NIBAN1: variants seen among roughly 807,000 people sequenced by gnomAD.
NIBAN1 encodes the protein niban apoptosis regulator 1.
A neutral mutation model predicts 75.1 loss-of-function variants in NIBAN1; 81 were observed. The observed-to-expected ratio is 1.08, with a 90% CI of 0.90 to 1.30. NIBAN1 has a LOEUF of 1.30. Among genes scored for constraint, NIBAN1 ranks in the 50% most tolerant of loss-of-function variants. The pLI is 0.00. For synonymous variants in NIBAN1, 436 were observed against 424.8 expected, an observed-to-expected ratio of 1.03 and a Z score of -0.32; for missense variants, 1,133 against 1,128.1, an observed-to-expected ratio of 1.00 and a Z score of -0.06.
intron 1 of NIBAN1, among the ~76,000 whole-genome samples, chr1:184,917,456 G>A (rs994174782): frequency 2.9e-5 from 4 of 139,838 alleles, no homozygotes; most frequent in South Asian, 4.6e-4. Flanking sequence ...TGATCCGCCC[G>A]CCTCGGCCTC....
intron 5 of NIBAN1, among the ~76,000 whole-genome samples, chr1:184,876,738 A>T (rs1464116612): frequency 6.6e-6 from 1 of 152,170 alleles, no homozygotes; most frequent in East Asian, 1.9e-4. Context: ...CATTTTTAAA[A>T]TTTAACTTAG....
At chr1:184,870,974 A>T (rs1010383223) in intron 5 of NIBAN1, among the ~76,000 whole-genome samples, 2 of 152,196 alleles carry the variant, frequency 1.3e-5, no homozygotes, top group South Asian at 2.1e-4. Flanking sequence ...CGGTCATTGC[A>T]TATGTAATTA....
chr1:184,930,627 C>A (rs7524825), intron 1 of NIBAN1, among the ~76,000 whole-genome samples: 61,254 of 152,040 alleles, frequency 0.4, 14,158 homozygotes, highest in South Asian at 0.54. Flanking sequence ...GAAAATCATA[C>A]GACACCCATT....
In NIBAN1 at chr1:184,795,260, T is replaced by C. The variant is rs775794988; in HGVS notation, c.2504A>G (p.Glu835Gly). 6.2e-7 allele frequency: 1 copy of C among 1,613,366 alleles called. No individual in the cohort carries two copies. Among genetic ancestry groups the C allele is most frequent in the Admixed American group, 1.7e-5 (1 of 60,026 alleles). The change falls in exon 14 of 14, where the codon GAA becomes GGA. Residue 835 changes from glutamate (E) to glycine (G), a missense_variant. Physicochemically the swap from Glu to Gly is moderately conservative, Grantham distance 98. Coordinates refer to ENST00000367511, the MANE Select transcript of NIBAN1 (RefSeq NM_052966.4). ...GCCCTCTTGCTGTGAGGCATCCCCT[T>C]CCTCGGTACACTTGCCCCCTCTTCC... ...HEGRGGKCTE[E>G]GDASQQEGCT... is the part of the protein sequence containing the mutation.
chr1:184,952,440 C>A (rs1161339764), intron 1 of NIBAN1, among the ~76,000 whole-genome samples: 1 of 152,162 alleles, frequency 6.6e-6, no homozygotes, highest in Non-Finnish European at 1.5e-5. Context: ...TGTTCCATGA[C>A]GTTTGAGGTT....
chr1:184,805,800 A>C, intron 11 of NIBAN1, 146 bp downstream of exon 11: 1 of 644,922 alleles, frequency 1.6e-6, no homozygotes, highest in Non-Finnish European at 2.7e-6. Flanking sequence ...GAGAAACTGC[A>C]GCGGACTGAC....
Position 184,884,818 on chromosome 1 carries a change from A to G in NIBAN1, c.434-18T>C. The G allele has an allele frequency of 6.2e-7, 1 of 1,611,340 alleles. No homozygotes were observed. Among genetic ancestry groups the G allele is most frequent in the Middle Eastern group, 1.7e-4 (1 of 6,040 alleles). On this transcript the variant is annotated intron_variant, in intron 4 of 13. Transcript: ENST00000367511. ...ACTGGAGGCTAAAGAAATATTGAAA[A>G]CACAAATACCTTTTAAAACATGTAT...
intron 1 of NIBAN1, among the ~76,000 whole-genome samples, chr1:184,957,427 A>G (rs1658518734): frequency 6.6e-6 from 1 of 152,258 alleles, no homozygotes; most frequent in South Asian, 2.1e-4. Flanking sequence ...ACTAATTACA[A>G]CACTAGAGTG....
intron 1 of NIBAN1, among the ~76,000 whole-genome samples, chr1:184,905,085 T>A (rs1657057958): frequency 6.6e-6 from 1 of 151,950 alleles, no homozygotes; most frequent in Non-Finnish European, 1.5e-5. Flanking sequence ...CCAGGGCTGA[T>A]CCTGGAGGAT....
Position 184,855,593 on chromosome 1 carries a change from C to T in NIBAN1, c.602-23631G>A, listed in dbSNP as rs184174329. Among the ~76,000 whole-genome samples, 360 of 152,248 alleles carry T rather than the reference C, an allele frequency of 2.4e-3. 1 individual carries two copies. The highest frequency in any genetic ancestry group is 8.3e-3 in the African/African-American group (345 of 41,536). On this transcript the variant is annotated intron_variant, in intron 5 of 13. Coordinates refer to ENST00000367511, the MANE Select transcript of NIBAN1 (RefSeq NM_052966.4). ...GTTGCCTGACCTCTCCCCCTTCAACCCCAGCACTCCTGGATCCCCTTAGTC... is the reference window on the plus strand; with the variant it reads ...GTTGCCTGACCTCTCCCCCTTCAACTCCAGCACTCCTGGATCCCCTTAGTC...
intron 5 of NIBAN1, among the ~76,000 whole-genome samples, chr1:184,865,588 C>T (rs537675735): frequency 6.6e-6 from 1 of 151,368 alleles, no homozygotes; most frequent in Non-Finnish European, 1.5e-5. Context: ...CACGTACCCC[C>T]AAATCTAAAA....
rs577863382 is a variant in NIBAN1, at chr1:184,800,465, C to T, written c.1555-2275G>A. 3.9e-3 allele frequency among the ~76,000 whole-genome samples: 588 copies of T among 151,858 alleles called. 4 individuals are homozygous for T. The highest frequency in any genetic ancestry group is 0.014 in the African/African-American group (567 of 41,362). ...CATGCCTATGTCCTGAATGGTAATG[C>T]CTAGGTTTTCTTCTAGGGTTTTTAT... is the stretch of plus-strand genomic sequence containing the variant. On this transcript the variant is annotated intron_variant, in intron 12 of 13. Coordinates refer to ENST00000367511, the MANE Select transcript of NIBAN1 (RefSeq NM_052966.4).
chr1:184,880,403 A>G (rs923373202), intron 5 of NIBAN1, among the ~76,000 whole-genome samples: 3 of 152,176 alleles, frequency 2.0e-5, no homozygotes, highest in Admixed American at 6.5e-5. Flanking sequence ...TTTACTTAAA[A>G]TCCTAATGGC....
Position 184,818,811 on chromosome 1 carries a change from G to T in NIBAN1, c.1000C>A (p.Pro334Thr). The T allele has an allele frequency of 6.3e-7, 1 of 1,591,774 alleles. No homozygotes were observed. The highest frequency in any genetic ancestry group is 8.6e-7 in the Non-Finnish European group (1 of 1,165,192). The change falls in exon 9 of 14, where the codon CCG (proline) becomes ACG (threonine). Residue 334 changes from proline to threonine, a missense_variant. Physicochemically the swap from Pro to Thr is conservative, Grantham distance 38. Coordinates refer to ENST00000367511, the MANE Select transcript of NIBAN1 (RefSeq NM_052966.4). Reference protein sequence around the residue: ...IGKIKAMVAQPAEKSCLESVQ... With the variant: ...IGKIKAMVAQTAEKSCLESVQ... ...CTCTCCAAGCAGCTTTTCTCCGCCG[G>T]CTGGGCCACCATCGCTGAGGTAGGA...
chr1:184,841,352 T>C (rs1445547174), intron 5 of NIBAN1, among the ~76,000 whole-genome samples: 1 of 152,180 alleles, frequency 6.6e-6, no homozygotes, highest in Admixed American at 6.5e-5. Flanking sequence ...ACAAAGCATG[T>C]AAGGTTGAGC....
In NIBAN1 at chr1:184,798,137, G is replaced by T; in HGVS notation, c.1608C>A (p.His536Gln). 1.9e-6 allele frequency: 3 copies of T among 1,611,498 alleles called. No individual in the cohort carries two copies. Among genetic ancestry groups the T allele is most frequent in the Middle Eastern group, 3.3e-4 (2 of 6,044 alleles). ...FIFADHTNMI[H>Q]VENVYEEILH... ...AAATCTCCTCATAGACATTTTCAAC[G>T]TGAATCATATTGGTATGATCTGCAA... Residue 536 changes from histidine (H) to glutamine (Q), a missense_variant, in exon 13 of 14, where the codon CAC (histidine) becomes CAA (glutamine). Physicochemically the swap from His to Gln is conservative, Grantham distance 24 (BLOSUM62 0). Transcript: ENST00000367511.
At chr1:184,935,426 T>A (rs1320938488) in intron 1 of NIBAN1, among the ~76,000 whole-genome samples, 1 of 152,068 alleles carries the variant, frequency 6.6e-6, no homozygotes, top group Non-Finnish European at 1.5e-5. Context: ...GAAGATCACT[T>A]GAGCCCAGGA....
At chr1:184,940,724 T>A (rs1156625138) in intron 1 of NIBAN1, among the ~76,000 whole-genome samples, 3 of 152,250 alleles carry the variant, frequency 2.0e-5, no homozygotes, top group Non-Finnish European at 4.4e-5. Flanking sequence ...AAAAATTTTT[T>A]AACTTTTTTC....
chr1:184,811,514 T>TTTTTTTTTTGG (rs1361403424), intron 9 of NIBAN1, among the ~76,000 whole-genome samples: 1 of 121,482 alleles, frequency 8.2e-6, no homozygotes, highest in Non-Finnish European at 1.7e-5. Flanking sequence ...TTTTTTTTTG[T>TTTTTTTTTTGG]TTTTTTTTTT....
Sources: gnomAD v4.1 joint callset for allele counts (sites outside exome capture counted in the v4.1 genomes callset) on GRCh38, gnomAD v4.1.1 for gene constraint, MANE v1.5 for transcripts, NCBI Gene and HGNC (gene_info 2026-07-23, HGNC 2026-07-21) for gene names.